MTHFD2: variants seen among roughly 807,000 people sequenced by gnomAD.
MTHFD2 encodes methylenetetrahydrofolate dehydrogenase (NADP+ dependent) 2, methenyltetrahydrofolate cyclohydrolase.
Under a neutral mutation model 36.8 loss-of-function variants are expected in MTHFD2, and 26 were observed. The ratio of observed to expected loss-of-function variants is 0.71; its 90% CI spans 0.52 to 0.98. MTHFD2 has a LOEUF of 0.98. Among genes scored for constraint, MTHFD2 ranks in the 50% least tolerant of loss-of-function variants. The pLI is 0.00. For synonymous variants in MTHFD2, 164 were observed against 155.2 expected (o/e 1.06, Z -0.42); for missense variants, 373 against 434.0 (o/e 0.86, Z 1.25).
chr2:74,204,247 G>T (rs1332370485), intron 1 of MTHFD2, among the ~76,000 whole-genome samples: 1 of 152,080 alleles, frequency 6.6e-6, no homozygotes, highest in African/African-American at 2.4e-5. Flanking sequence ...GCACTTTACT[G>T]TAAGGACATG....
At chr2:74,198,875 G>C (rs1693969085) in intron 1 of MTHFD2, 133 bp downstream of exon 1, 1 of 794,102 alleles carries the variant, frequency 1.3e-6, no homozygotes, top group Non-Finnish European at 1.9e-6. Flanking sequence ...TGGCCGCTGA[G>C]GGGTGTGGCG....
chr2:74,209,409 A>G (rs576815043), intron 4 of MTHFD2, among the ~76,000 whole-genome samples: 21 of 150,948 alleles, frequency 1.4e-4, no homozygotes, highest in Non-Finnish European at 2.2e-4. Context: ...TGCCTGGCTA[A>G]CTTTTTTTTT....
In MTHFD2 at chr2:74,214,291, G is replaced by A; in HGVS notation, c.*49G>A. ...ACAGCACTCCAGGCCAGCTCAAGAA[G>A]CAAAGCAGGCCAATAGAAATGCAAT... is the stretch of plus-strand genomic sequence containing the variant. On this transcript the variant is annotated 3_prime_UTR_variant, in exon 8 of 8. Coordinates refer to ENST00000394053, the MANE Select transcript of MTHFD2 (RefSeq NM_006636.4). 1 of 1,570,038 alleles carries A rather than the reference G, an allele frequency of 6.4e-7. No individual in the cohort carries two copies. The highest frequency in any genetic ancestry group is 1.2e-5 in the South Asian group (1 of 86,376).
rs1013657065 is a variant in MTHFD2, at chr2:74,208,570, G to A, written c.411G>A (p.Glu137=). The stretch of plus-strand genomic sequence containing the variant: ...CAACTGTGCCAATTTCTTTTTCAGA[G>A]CATATTGATGAGAGAAGGATCTGCA... The part of the protein sequence containing the change: ...DGLLVQLPLP[E]HIDERRICNA... The change falls in exon 4 of 8, where the codon GAG becomes GAA. Residue 137 remains glutamate, a splice_region_variant and synonymous_variant. Transcript: ENST00000394053. The A allele has an allele frequency of 6.2e-7, 1 of 1,613,674 alleles. No individual in the cohort carries two copies. Among genetic ancestry groups the A allele is most frequent in the Non-Finnish European group, 8.5e-7 (1 of 1,179,806 alleles).
At chr2:74,208,835 C>G (rs1694242027) in intron 4 of MTHFD2, 114 bp downstream of exon 4, 1 of 1,092,236 alleles carries the variant, frequency 9.2e-7, no homozygotes, top group Non-Finnish European at 1.3e-6. Flanking sequence ...ATCCTCTAGT[C>G]TTACTCCCCA....
Position 74,217,463 on chromosome 2 carries a change from T to G in MTHFD2, c.*3221T>G, listed in dbSNP as rs776384986. ...TACTAGGTTGATTAATATTGCAAAGTTGTAATGTAAAATGTGACCTTACCT... is the reference window on the plus strand; with the variant it reads ...TACTAGGTTGATTAATATTGCAAAGGTGTAATGTAAAATGTGACCTTACCT... On this transcript the variant is annotated 3_prime_UTR_variant, in exon 8 of 8. Transcript: ENST00000394053. 6.6e-6 allele frequency: 1 copy of G among 152,228 alleles called. No homozygotes were observed. Among genetic ancestry groups the G allele is most frequent in the African/African-American group, 2.4e-5 (1 of 41,466 alleles). 9.4% of individuals were successfully genotyped at this position (152,228 alleles called of 1,614,324 possible).
At chr2:74,199,169 G>C (rs1693979163) in intron 1 of MTHFD2, among the ~76,000 whole-genome samples, 1 of 152,248 alleles carries the variant, frequency 6.6e-6, no homozygotes, top group African/African-American at 2.4e-5. Context: ...CCCTCGGCGA[G>C]TTGTCCTTGC....
In MTHFD2 at chr2:74,214,204, G is replaced by A. The variant is rs1350414164; in HGVS notation, c.1015G>A (p.Val339Met). The change falls in exon 8 of 8, where the codon GTG becomes ATG. Residue 339 changes from valine (V) to methionine (M), a missense_variant. Val to Met is a conservative substitution (Grantham distance 21). Transcript: ENST00000394053. ...KKVLRLEERE[V>M]LKSKELGVAT... is the part of the protein sequence containing the mutation. ...GGTGCTGAGGCTTGAAGAGCGAGAA[G>A]TGCTGAAGTCTAAAGAGCTTGGGGT... is the stretch of plus-strand genomic sequence containing the variant. The A allele has an allele frequency of 6.2e-7, 1 of 1,614,050 alleles. No homozygotes were observed. The highest frequency in any genetic ancestry group is 8.5e-7 in the Non-Finnish European group (1 of 1,179,942).
chr2:74,205,058 T>C lies in MTHFD2; in HGVS notation c.102-647T>C, dbSNP rs113662689. The stretch of plus-strand genomic sequence containing the variant: ...CAGGCTGGTCTCGAACTCCTTACCT[T>C]GTGATCTGCCCTCCTCGGCCTCCCA... On this transcript the variant is annotated intron_variant, in intron 1 of 7. Coordinates refer to ENST00000394053, the MANE Select transcript of MTHFD2 (RefSeq NM_006636.4). Among the ~76,000 whole-genome samples, 766 of 152,178 alleles carry C rather than the reference T, an allele frequency of 5.0e-3. 6 individuals carry two copies. Among genetic ancestry groups the C allele is most frequent in the African/African-American group, 0.018 (730 of 41,540 alleles).
intron 1 of MTHFD2, among the ~76,000 whole-genome samples, chr2:74,204,979 C>A (rs1694144783): frequency 6.6e-6 from 1 of 152,180 alleles, no homozygotes; most frequent in Non-Finnish European, 1.5e-5. Flanking sequence ...GAGCCCACCA[C>A]TACGCCCAGC....
Position 74,208,598 on chromosome 2 carries a change from G to A in MTHFD2, c.439G>A (p.Ala147Thr), listed in dbSNP as rs1268240016. The A allele has an allele frequency of 6.2e-7, 1 of 1,614,054 alleles. No homozygotes were observed. The highest frequency in any genetic ancestry group is 2.2e-5 in the East Asian group (1 of 44,894). The change falls in exon 4 of 8, where the codon GCT becomes ACT. Residue 147 changes from alanine (A) to threonine (T), a missense_variant. Around this residue, in one of 2 missense-constraint regions of MTHFD2, gnomAD observed 308 missense variants for 397.8 expected, o/e 0.77. Coordinates refer to ENST00000394053, the MANE Select transcript of MTHFD2 (RefSeq NM_006636.4). ...EHIDERRICNAVSPDKDVDGF... is the reference protein window; with the variant it reads ...EHIDERRICNTVSPDKDVDGF... ...TATTGATGAGAGAAGGATCTGCAAT[G>A]CTGTTTCTCCAGACAAGGATGTTGA...
Position 74,214,158 on chromosome 2 carries a change from T to C in MTHFD2, c.969T>C (p.Asn323=). 6.2e-7 allele frequency: 1 copy of C among 1,614,148 alleles called. No individual in the cohort carries two copies. The highest frequency in any genetic ancestry group is 1.3e-5 in the African/African-American group (1 of 75,054). The change falls in exon 8 of 8, where the codon AAT becomes AAC. Residue 323 remains asparagine (N), a synonymous_variant. Transcript: ENST00000394053. ...TGACAGTGGCAATGCTAATGAAGAA[T>C]ACCATTATTGCTGCAAAAAAGGTGC... ...GPMTVAMLMK[N]TIIAAKKVLR...
At position 74,215,423 on chromosome 2, in the gene MTHFD2, AT is replaced by A. The variant is rs1199814554; in HGVS notation, c.*1198del. 1,429 of 122,020 alleles carry A rather than the reference AT, an allele frequency of 0.012. 16 individuals carry two copies. Among genetic ancestry groups the A allele is most frequent in the African/African-American group, 0.038 (1,240 of 32,268 alleles). 7.6% of individuals were successfully genotyped at this position (122,020 alleles called of 1,614,324 possible). ...TTAAATAGATAATTTTTTTTCTTCT[AT>A]TTTTTTTTTTTTTTTTGTAGAGATG... On this transcript the variant is annotated 3_prime_UTR_variant, in exon 8 of 8. Transcript: ENST00000394053.
intron 1 of MTHFD2, among the ~76,000 whole-genome samples, chr2:74,202,144 C>CAAGG (rs2103805960): frequency 6.6e-6 from 1 of 152,010 alleles, no homozygotes; most frequent in African/African-American, 2.4e-5. Context: ...TTATGAGGTG[C>CAAGG]AAGCTAAGTC....
Position 74,207,843 on chromosome 2 carries a change from A to C in MTHFD2, c.409+17A>C, listed in dbSNP as rs1465601475. On this transcript the variant is annotated intron_variant, in intron 3 of 7. Transcript: ENST00000394053. ...CTCTTCCAGGTGAGTTTTGGACTCCATTTAACATGATTGCTGCTGCTTCTG... is the reference window on the plus strand; with the variant it reads ...CTCTTCCAGGTGAGTTTTGGACTCCCTTTAACATGATTGCTGCTGCTTCTG... The C allele has an allele frequency of 1.3e-6, 2 of 1,573,454 alleles. No individual in the cohort carries two copies. Among genetic ancestry groups the C allele is most frequent in the Non-Finnish European group, 1.7e-6 (2 of 1,149,546 alleles).
chr2:74,217,274 A>G lies in MTHFD2; in HGVS notation c.*3032A>G, dbSNP rs956269662. ...TTTGGAGAAAGTAAGTGTCAGATGC[A>G]CTGTGGCTGTCAGGGTCATAGTAGG... is the stretch of plus-strand genomic sequence containing the variant. On this transcript the variant is annotated 3_prime_UTR_variant, in exon 8 of 8. Coordinates refer to ENST00000394053, the MANE Select transcript of MTHFD2 (RefSeq NM_006636.4). The G allele has an allele frequency of 6.6e-6, 1 of 152,234 alleles. No homozygotes were observed. Among genetic ancestry groups the G allele is most frequent in the Non-Finnish European group, 1.5e-5 (1 of 68,042 alleles). 9.4% of individuals were successfully genotyped at this position (152,234 alleles called of 1,614,324 possible).
chr2:74,198,694 C>G lies in MTHFD2; in HGVS notation c.53C>G (p.Ala18Gly). 1 of 1,611,598 alleles carries G rather than the reference C, an allele frequency of 6.2e-7. No individual in the cohort carries two copies. Among genetic ancestry groups the G allele is most frequent in the Non-Finnish European group, 8.5e-7 (1 of 1,179,106 alleles). Reference sequence around the variant, plus strand: ...TTGGCTGCCCGGCTGCTGCAGCCCGCGCACAGCTGCTCCCTTCGCCTTCGC... The same window carrying G: ...TTGGCTGCCCGGCTGCTGCAGCCCGGGCACAGCTGCTCCCTTCGCCTTCGC... ...SALAARLLQP[A>G]HSCSLRLRPF... Residue 18 changes from alanine to glycine, a missense_variant, in exon 1 of 8, where the codon GCG (alanine) becomes GGG (glycine). By Grantham distance (60) the Ala-to-Gly change is moderately conservative (BLOSUM62 0). Around this residue, in one of 2 missense-constraint regions of MTHFD2, gnomAD observed 65 missense variants for 36.1 expected, o/e 1.80. Coordinates refer to ENST00000394053, the MANE Select transcript of MTHFD2 (RefSeq NM_006636.4).
At chr2:74,210,421 A>AT (rs1319893890) in intron 5 of MTHFD2, among the ~76,000 whole-genome samples, 12 of 152,230 alleles carry the variant, frequency 7.9e-5, no homozygotes, top group Admixed American at 6.5e-4. Context: ...TTGGATTGGT[A>AT]TGACTGTAAT....
chr2:74,213,083 T>C (rs1382289555), intron 7 of MTHFD2, among the ~76,000 whole-genome samples: 1 of 151,894 alleles, frequency 6.6e-6, no homozygotes, highest in Non-Finnish European at 1.5e-5. Context: ...TTTTGTATTT[T>C]CAGTAGAGAT....
Sources: allele counts gnomAD v4.1 joint callset (sites outside exome capture counted in the v4.1 genomes callset), GRCh38; gene constraint gnomAD v4.1.1; regional missense constraint gnomAD v4.1.1; transcripts MANE v1.5; gene names NCBI Gene and HGNC (gene_info 2026-07-23, HGNC 2026-07-21).